The following CNTN1 variants were observed in gnomAD, a reference collection of about 807,000 sequenced individuals.
CNTN1 encodes contactin-1.
In CNTN1, 38 loss-of-function variants were observed where a neutral mutation model predicts 126.4. That is an observed-to-expected ratio of 0.30 (90% CI 0.23 to 0.39). CNTN1 has a LOEUF of 0.39. Among genes scored for constraint, CNTN1 ranks in the 10% least tolerant of loss-of-function variants. The pLI is 1.00. For synonymous variants in CNTN1, 413 were observed against 422.6 expected, an observed-to-expected ratio of 0.98 and a Z score of 0.28; for missense variants, 1,009 against 1,248.4, an observed-to-expected ratio of 0.81 and a Z score of 2.89.
chr12:40,829,093 A>T (rs1300065362), intron 1 of CNTN1, among the ~76,000 whole-genome samples: 1 of 152,194 alleles, frequency 6.6e-6, no homozygotes, highest in Admixed American at 6.5e-5. Context: ...ATTTGTCAGA[A>T]GTCATTGTTA....
chr12:41,054,134 T>C (rs1022801494), intron 23 of CNTN1, among the ~76,000 whole-genome samples: 2 of 151,840 alleles, frequency 1.3e-5, no homozygotes, highest in Non-Finnish European at 3.0e-5. Context: ...CTTGATTATT[T>C]AGGACTATAT....
At chr12:40,867,755 T>C (rs73120764) in intron 1 of CNTN1, among the ~76,000 whole-genome samples, 4,140 of 152,176 alleles carry the variant, frequency 0.027, 201 homozygotes, top group African/African-American at 0.095. Context: ...AGCATGAATT[T>C]TTCTCTTTAC....
Position 40,959,548 on chromosome 12 carries a change from T to A in CNTN1, c.1804+314T>A, listed in dbSNP as rs143446182. ...CCTGCTAATACTTTTTAGTGTGTTG[T>A]GTATAGTGCTGTTTCCTTTTTTATT... is the stretch of plus-strand genomic sequence containing the variant. On this transcript the variant is annotated intron_variant, in intron 15 of 23. Transcript: ENST00000551295. 2.4e-3 allele frequency among the ~76,000 whole-genome samples: 367 copies of A among 152,278 alleles called. 1 individual carries two copies. The highest frequency in any genetic ancestry group is 8.5e-3 in the African/African-American group (354 of 41,570).
At chr12:40,973,698 C>A (rs1383206875) in intron 15 of CNTN1, among the ~76,000 whole-genome samples, 5 of 151,998 alleles carry the variant, frequency 3.3e-5, no homozygotes, top group Admixed American at 3.3e-4. Context: ...TATGAATTCC[C>A]CAAAGGGTCA....
At chr12:41,049,700 A>G (rs1566217961) in intron 23 of CNTN1, among the ~76,000 whole-genome samples, 1 of 152,206 alleles carries the variant, frequency 6.6e-6, no homozygotes, top group Non-Finnish European at 1.5e-5. Flanking sequence ...ATGTCTCTGC[A>G]CAAAAACCTT....
At chr12:40,818,927 C>A (rs904943575) in intron 1 of CNTN1, among the ~76,000 whole-genome samples, 4 of 152,096 alleles carry the variant, frequency 2.6e-5, no homozygotes, top group Admixed American at 2.6e-4. Flanking sequence ...TTTCAATAGT[C>A]AGGTCCCTCT....
At chr12:40,865,510 A>AT (rs1247399697) in intron 1 of CNTN1, among the ~76,000 whole-genome samples, 1 of 152,048 alleles carries the variant, frequency 6.6e-6, no homozygotes, top group African/African-American at 2.4e-5. Context: ...ATTCTGAATC[A>AT]TTTTTTTGGT....
chr12:40,738,437 A>G (rs1937793616), intron 1 of CNTN1, among the ~76,000 whole-genome samples: 1 of 152,122 alleles, frequency 6.6e-6, no homozygotes, highest in South Asian at 2.1e-4. Flanking sequence ...TATGTGGGTG[A>G]CTTTTGTGTT....
chr12:41,055,368 A>T (rs956206956), intron 23 of CNTN1, among the ~76,000 whole-genome samples: 7 of 152,192 alleles, frequency 4.6e-5, no homozygotes, highest in African/African-American at 1.7e-4. Context: ...GGGTGTTTCT[A>T]AAACCCATTC....
At position 40,922,313 on chromosome 12, in the gene CNTN1, A is replaced by G; in HGVS notation, c.285A>G (p.Gly95=). 1 of 1,614,060 alleles carries G rather than the reference A, an allele frequency of 6.2e-7. No individual in the cohort carries two copies. Among genetic ancestry groups the G allele is most frequent in the Non-Finnish European group, 8.5e-7 (1 of 1,179,926 alleles). The change falls in exon 5 of 24, where the codon GGA becomes GGG. Residue 95 remains glycine (G), a synonymous_variant. Transcript: ENST00000551295. ...CAAGTGATCGATACAGTATGGTAGGAGGAAACCTTGTTATCAACAACCCTG... is the reference window on the plus strand; with the variant it reads ...CAAGTGATCGATACAGTATGGTAGGGGGAAACCTTGTTATCAACAACCCTG... ...DLTSDRYSMV[G]GNLVINNPDK...
chr12:40,719,452 CCTT>C (rs1352797090), intron 1 of CNTN1, among the ~76,000 whole-genome samples: 6 of 152,120 alleles, frequency 3.9e-5, no homozygotes, highest in African/African-American at 1.4e-4. Context: ...AATTAGTTGT[CCTT>C]CTTAACCTGA....
At chr12:40,837,215 A>C (rs1942093642) in intron 1 of CNTN1, among the ~76,000 whole-genome samples, 1 of 152,182 alleles carries the variant, frequency 6.6e-6, no homozygotes, top group African/African-American at 2.4e-5. Flanking sequence ...TCCATTTTAA[A>C]AACCAAAATA....
chr12:40,730,090 G>A (rs973082695), intron 1 of CNTN1, among the ~76,000 whole-genome samples: 2 of 152,122 alleles, frequency 1.3e-5, no homozygotes, highest in Non-Finnish European at 2.9e-5. Context: ...AAGATTAAAG[G>A]AAACATTGCT....
At chr12:40,826,922 G>A (rs1352097315) in intron 1 of CNTN1, among the ~76,000 whole-genome samples, 1 of 152,138 alleles carries the variant, frequency 6.6e-6, no homozygotes, top group Non-Finnish European at 1.5e-5. Context: ...GGGAAGACAT[G>A]ACTTTAGTCA....
At chr12:40,823,254 G>A (rs1941508256) in intron 1 of CNTN1, among the ~76,000 whole-genome samples, 1 of 152,102 alleles carries the variant, frequency 6.6e-6, no homozygotes, top group African/African-American at 2.4e-5. Flanking sequence ...ATATAAGAAT[G>A]CAAGGAAAAA....
chr12:40,924,224 T>C (rs1036471933), intron 5 of CNTN1, among the ~76,000 whole-genome samples: 2 of 152,174 alleles, frequency 1.3e-5, no homozygotes, highest in African/African-American at 2.4e-5. Context: ...CTGGTTTGTC[T>C]GATTTCATTG....
rs1007535489 is a variant in CNTN1 at position 40,959,103 on chromosome 12, T to G, written c.1684-11T>G. 2.5e-6 allele frequency: 4 copies of G among 1,611,990 alleles called. No individual in the cohort carries two copies. The African/African-American group carries it at 5.3e-5, about 22-fold the overall frequency. ...TGTACTGATTTGAATAATTGCTGTT[T>G]TTGCTAACAGCTGGATTCCAATGGG... On this transcript the variant is annotated splice_polypyrimidine_tract_variant and intron_variant, in intron 14 of 23. Coordinates refer to ENST00000551295, the MANE Select transcript of CNTN1 (RefSeq NM_001843.4).
At chr12:41,057,797 A>G (rs181050538) in intron 23 of CNTN1, among the ~76,000 whole-genome samples, 4 of 146,806 alleles carry the variant, frequency 2.7e-5, no homozygotes, top group African/African-American at 1.1e-4. Context: ...CTTTTCTTAT[A>G]CATAAGCATG....
At chr12:40,827,425 T>TA (rs61633200) in intron 1 of CNTN1, among the ~76,000 whole-genome samples, 63,666 of 151,938 alleles carry the variant, frequency 0.42, 13,661 homozygotes, top group East Asian at 0.68. Context: ...TGAGTCCTGG[T>TA]AAAAATCTCC....
Sources: gnomAD v4.1 joint callset for allele counts (sites outside exome capture counted in the v4.1 genomes callset) on GRCh38, gnomAD v4.1.1 for gene constraint, MANE v1.5 for transcripts, NCBI Gene and HGNC (gene_info 2026-07-23, HGNC 2026-07-21) for gene names.